The following THUMPD2 variants were observed in gnomAD, a reference collection of about 807,000 sequenced individuals.
THUMPD2 encodes THUMP domain 2 tRNA and snRNA guanosine methyltransferase.
Under a neutral mutation model 49.4 loss-of-function variants are expected in THUMPD2, and 56 were observed. The observed-to-expected ratio is 1.13, with a 90% confidence interval of 0.91 to 1.41. The LOEUF is 1.41. THUMPD2 is among the 40% of genes most tolerant of loss of function. The pLI, the probability that THUMPD2 is intolerant of heterozygous loss-of-function variation, is 0.00. For synonymous variants in THUMPD2, 237 were observed against 205.2 expected (o/e 1.15, Z -1.32); for missense variants, 709 against 594.5 (o/e 1.19, Z -2.00).
Position 39,779,187 on chromosome 2 carries a change from A to T in THUMPD2, c.53T>A (p.Phe18Tyr). Residue 18 changes from phenylalanine (F) to tyrosine (Y), a missense_variant, in exon 1 of 10, where the codon TTC becomes TAC. Physicochemically the swap from Phe to Tyr is conservative, Grantham distance 22. Transcript: ENST00000505747. ...CAGGCCGCGACCCGCAGTGCAGAAG[A>T]ATCGGGCGCCAGCCTCAGGCCCGGA... ...PGSGPEAGAR[F>Y]FCTAGRGLEP... 1.3e-6 allele frequency: 2 copies of T among 1,518,572 alleles called. No individual in the cohort carries two copies. Among genetic ancestry groups the T allele is most frequent in the South Asian group, 1.2e-5 (1 of 81,610 alleles). 94.1% of individuals were successfully genotyped at this position (1,518,572 alleles called of 1,614,324 possible). A position where few individuals can be genotyped will look rare whatever the true frequency, so the allele number is the denominator to read the frequency against.
intron 6 of THUMPD2, chr2:39,757,261 C>T (rs1676264982): frequency 6.6e-6 from 4 of 607,076 alleles, no homozygotes; most frequent in Non-Finnish European, 1.1e-5. Flanking sequence ...ACTGTCAGGC[C>T]CAGTCGTGCT....
intron 1 of THUMPD2, among the ~76,000 whole-genome samples, chr2:39,773,701 A>G (rs1242007494): frequency 1.3e-5 from 2 of 150,870 alleles, no homozygotes; most frequent in South Asian, 4.2e-4. Context: ...AATTAAGAGG[A>G]CCCAAAAAGT....
At chr2:39,755,430 T>C (rs1675971881) in intron 7 of THUMPD2, 21 bp from the exon 8 acceptor site, 2 of 1,432,460 alleles carry the variant, frequency 1.4e-6, no homozygotes, top group Non-Finnish European at 1.9e-6. Context: ...ATAAATATTT[T>C]AAGCATAAAT....
chr2:39,771,378 A>G (rs886876232), intron 2 of THUMPD2, 127 bp downstream of exon 2: 2 of 1,005,504 alleles, frequency 2.0e-6, no homozygotes, highest in Admixed American at 2.9e-5. Context: ...AGAAAAATAC[A>G]TAATTAATGA....
chr2:39,740,986 A>G (rs1673816776), intron 9 of THUMPD2, among the ~76,000 whole-genome samples: 1 of 152,166 alleles, frequency 6.6e-6, no homozygotes, highest in East Asian at 1.9e-4. Context: ...TGCTGAGACT[A>G]CAGGTATGAG....
chr2:39,749,762 C>T (rs1572776273), intron 8 of THUMPD2, among the ~76,000 whole-genome samples: 1 of 151,918 alleles, frequency 6.6e-6, no homozygotes, highest in African/African-American at 2.4e-5. Context: ...TCCCCTCCCA[C>T]CTCCCCCTGA....
chr2:39,776,477 T>C lies in THUMPD2; in HGVS notation c.126+2637A>G, dbSNP rs573519957. 2.7e-5 allele frequency among the ~76,000 whole-genome samples: 4 copies of C among 150,484 alleles called. No individual in the cohort carries two copies. In the East Asian group the frequency reaches 7.9e-4, roughly 30 times the overall value. ...GGCGCGATCTTGGCTCACTGCAACC[T>C]CCGCCTCCAAGGTTCAAGCAATTCT... On this transcript the variant is annotated intron_variant, in intron 1 of 9. Transcript: ENST00000505747.
At chr2:39,777,008 T>C (rs960303032) in intron 1 of THUMPD2, among the ~76,000 whole-genome samples, 2 of 152,232 alleles carry the variant, frequency 1.3e-5, no homozygotes, top group African/African-American at 4.8e-5. Context: ...AATTAATCTG[T>C]TTTGTAAATT....
In THUMPD2 at chr2:39,766,088, T is replaced by C. The variant is rs768924253; in HGVS notation, c.772A>G (p.Ile258Val). 3 of 1,587,440 alleles carry C rather than the reference T, an allele frequency of 1.9e-6. No individual in the cohort carries two copies. The highest frequency in any genetic ancestry group is 1.2e-5 in the South Asian group (1 of 85,502). The change falls in exon 5 of 10, where the codon ATT becomes GTT. Residue 258 changes from isoleucine to valine, a missense_variant. Coordinates refer to ENST00000505747, the MANE Select transcript of THUMPD2 (RefSeq NM_025264.5). The part of the protein sequence containing the change: ...QLEIFIHLND[I>V]YSVVGIPVFR... The stretch of plus-strand genomic sequence containing the variant: ...ACAGGAATCCCCACCACAGAGTAAA[T>C]GTCATTTAGATGTATAAAGATCTGA...
At position 39,761,212 on chromosome 2, in the gene THUMPD2, A is replaced by G. The variant is rs1278749539; in HGVS notation, c.891+119T>C. The G allele has an allele frequency of 9.4e-6, 8 of 850,126 alleles. 1 individual carries two copies. Among genetic ancestry groups the G allele is most frequent in the Non-Finnish European group, 1.5e-5 (8 of 544,138 alleles). 52.7% of individuals were successfully genotyped at this position (850,126 alleles called of 1,614,324 possible). A position where few individuals can be genotyped will look rare whatever the true frequency, so the allele number is the denominator to read the frequency against. Reference sequence around the variant, plus strand: ...TACAATGGCAAAAAGAAAAGAAGTTAAAGAAAAAGCGTCAAGAAAAGAAAA... The same window carrying G: ...TACAATGGCAAAAAGAAAAGAAGTTGAAGAAAAAGCGTCAAGAAAAGAAAA... On this transcript the variant is annotated intron_variant, in intron 6 of 9. Transcript: ENST00000505747.
intron 9 of THUMPD2, among the ~76,000 whole-genome samples, chr2:39,740,912 A>G (rs1572735311): frequency 6.6e-6 from 1 of 152,126 alleles, no homozygotes; most frequent in South Asian, 2.1e-4. Flanking sequence ...AGTTCTTGCT[A>G]TGTTGTCCGG....
At chr2:39,776,527 G>A (rs559016289) in intron 1 of THUMPD2, among the ~76,000 whole-genome samples, 14 of 151,784 alleles carry the variant, frequency 9.2e-5, no homozygotes, top group East Asian at 5.8e-4. Flanking sequence ...CCGAACAGCC[G>A]GGACTACAGG....
At chr2:39,777,795 C>A (rs1224645170) in intron 1 of THUMPD2, among the ~76,000 whole-genome samples, 2 of 152,160 alleles carry the variant, frequency 1.3e-5, no homozygotes, top group African/African-American at 4.8e-5. Context: ...ATTGAATTTT[C>A]TTCCTGGTAA....
chr2:39,744,394 T>C lies in THUMPD2; in HGVS notation c.1163A>G (p.Lys388Arg). The change falls in exon 9 of 10, where the codon AAA becomes AGA. Residue 388 changes from lysine to arginine, a missense_variant. By Grantham distance (26) the Lys-to-Arg change is conservative (BLOSUM62 2). Transcript: ENST00000505747. The stretch of plus-strand genomic sequence containing the variant: ...CCTTTCCATTTCTTGTAGAATGCTT[T>C]TGATGTCTTTTCCTAACTTAAACTT... ...GKKFKLGKDI[K>R]SILQEMERVL... is the part of the protein sequence containing the mutation. 2 of 1,581,550 alleles carry C rather than the reference T, an allele frequency of 1.3e-6. No individual in the cohort carries two copies. Among genetic ancestry groups the C allele is most frequent in the South Asian group, 2.4e-5 (2 of 84,562 alleles).
chr2:39,745,248 T>C (rs1489184565), intron 8 of THUMPD2, among the ~76,000 whole-genome samples: 1 of 152,182 alleles, frequency 6.6e-6, no homozygotes, highest in African/African-American at 2.4e-5. Context: ...GTAATGAAAT[T>C]TAAATAATCT....
intron 9 of THUMPD2, among the ~76,000 whole-genome samples, chr2:39,741,956 A>T (rs955181658): frequency 6.6e-6 from 1 of 152,182 alleles, no homozygotes; most frequent in African/African-American, 2.4e-5. Flanking sequence ...CAGGTAAGTG[A>T]TAACAGATAC....
intron 8 of THUMPD2, among the ~76,000 whole-genome samples, chr2:39,745,307 G>A (rs1457612861): frequency 6.6e-6 from 1 of 152,132 alleles, no homozygotes. Flanking sequence ...GCAACAAAAA[G>A]TGCTTTGTAA....
At chr2:39,744,956 A>G (rs533157535) in intron 8 of THUMPD2, among the ~76,000 whole-genome samples, 1 of 152,274 alleles carries the variant, frequency 6.6e-6, no homozygotes, top group African/African-American at 2.4e-5. Flanking sequence ...ATTAAGTCCT[A>G]AGACTAGAGA....
At chr2:39,764,442 T>C (rs1053863324) in intron 5 of THUMPD2, among the ~76,000 whole-genome samples, 66 of 152,328 alleles carry the variant, frequency 4.3e-4, no homozygotes, top group African/African-American at 1.5e-3. Context: ...TATACTGTAG[T>C]AGGTGATGTG....
Sources: allele counts gnomAD v4.1 joint callset (sites outside exome capture counted in the v4.1 genomes callset), GRCh38; gene constraint gnomAD v4.1.1; transcripts MANE v1.5; gene names NCBI Gene and HGNC (gene_info 2026-07-23, HGNC 2026-07-21).